The following NEDD4 variants were observed in gnomAD, a reference collection of about 807,000 sequenced individuals.
NEDD4 encodes E3 ubiquitin-protein ligase NEDD4.
A neutral mutation model predicts 144.9 loss-of-function variants in NEDD4; 99 were observed. That is an observed-to-expected ratio of 0.68 (90% CI 0.58 to 0.81). NEDD4 has a LOEUF of 0.81. NEDD4 is among the 30% of genes least tolerant of loss of function. NEDD4 has a pLI of 0.00. For synonymous variants in NEDD4, 318 were observed against 350.6 expected (o/e 0.91, Z 1.04); for missense variants, 985 against 1,065.9 (o/e 0.92, Z 1.06).
At chr15:55,949,136 C>T (rs549060393) in intron 4 of NEDD4, among the ~76,000 whole-genome samples, 1 of 152,074 alleles carries the variant, frequency 6.6e-6, no homozygotes, top group African/African-American at 2.4e-5. Flanking sequence ...AAGAAGCGGG[C>T]GAAGGATATG....
intron 4 of NEDD4, among the ~76,000 whole-genome samples, chr15:55,949,788 C>T (rs959388457): frequency 3.5e-4 from 53 of 151,904 alleles, no homozygotes; most frequent in Non-Finnish European, 6.6e-4. Flanking sequence ...ACGTCACACA[C>T]TGGGGCCTGT....
chr15:55,970,067 C>T (rs74015348), intron 1 of NEDD4, among the ~76,000 whole-genome samples: 1 of 151,772 alleles, frequency 6.6e-6, no homozygotes, highest in Non-Finnish European at 1.5e-5. Flanking sequence ...TGGCAGGACT[C>T]ACCATCTACT....
intron 5 of NEDD4, among the ~76,000 whole-genome samples, chr15:55,896,786 A>T (rs946860626): frequency 1.3e-5 from 2 of 152,160 alleles, no homozygotes; most frequent in African/African-American, 4.8e-5. Flanking sequence ...AATTCTATTC[A>T]TGTATATAGA....
At chr15:55,848,604 T>C in intron 15 of NEDD4, 29 bp from the exon 16 acceptor site, 1 of 1,588,094 alleles carries the variant, frequency 6.3e-7, no homozygotes, top group Non-Finnish European at 8.6e-7. Flanking sequence ...TTCAATTATT[T>C]TAGGAGAGGG....
intron 1 of NEDD4, among the ~76,000 whole-genome samples, chr15:55,980,797 T>G (rs1404906988): frequency 6.6e-6 from 1 of 151,838 alleles, no homozygotes; most frequent in Non-Finnish European, 1.5e-5. Context: ...TGTAGGGGTG[T>G]GTGTGTGTGT....
chr15:55,925,652 A>C (rs1595850251), intron 4 of NEDD4, among the ~76,000 whole-genome samples: 1 of 152,330 alleles, frequency 6.6e-6, no homozygotes, highest in African/African-American at 2.4e-5. Flanking sequence ...TGATATCTTA[A>C]AACATTGGTG....
At chr15:55,885,408 A>C (rs2035350234) in intron 5 of NEDD4, among the ~76,000 whole-genome samples, 3 of 152,206 alleles carry the variant, frequency 2.0e-5, no homozygotes. Context: ...ACAGAATATG[A>C]TAATACTGTA....
At chr15:55,943,650 G>A (rs1448892740) in intron 4 of NEDD4, among the ~76,000 whole-genome samples, 1 of 152,234 alleles carries the variant, frequency 6.6e-6, no homozygotes, top group African/African-American at 2.4e-5. Context: ...TATCCACACA[G>A]AAGTCTGGAT....
chr15:55,943,504 G>C (rs1017924090), intron 4 of NEDD4, among the ~76,000 whole-genome samples: 1 of 152,162 alleles, frequency 6.6e-6, no homozygotes, highest in African/African-American at 2.4e-5. Flanking sequence ...ATATGTCTCA[G>C]GCCGCTGCTC....
intron 4 of NEDD4, among the ~76,000 whole-genome samples, chr15:55,949,125 C>G (rs2037181451): frequency 1.3e-5 from 2 of 152,192 alleles, no homozygotes; most frequent in Admixed American, 6.5e-5. Flanking sequence ...ACAACCCCAT[C>G]AAGAAGCGGG....
At chr15:55,957,686 G>A (rs185350846) in intron 2 of NEDD4, among the ~76,000 whole-genome samples, 6 of 152,178 alleles carry the variant, frequency 3.9e-5, no homozygotes, top group East Asian at 3.9e-4. Context: ...TGTTTATTAC[G>A]GCACTATTCA....
Position 55,860,454 on chromosome 15 carries a change from G to T in NEDD4, c.913C>A (p.Leu305Ile). The change falls in exon 11 of 29, where the codon CTC becomes ATC. Residue 305 changes from leucine to isoleucine, a missense_variant. By Grantham distance (5) the Leu-to-Ile change is conservative. Coordinates refer to ENST00000435532, the MANE Select transcript of NEDD4 (RefSeq NM_006154.4). Reference protein sequence around the residue: ...THLAEELNARLTIFGNSAVSQ... With the variant: ...THLAEELNARITIFGNSAVSQ... ...ACGGCTGAATTTCCAAAAATGGTGA[G>T]TCTGGCATTCAATTCTTCTGCAAGA... 1 of 1,614,122 alleles carries T rather than the reference G, an allele frequency of 6.2e-7. No homozygotes were observed.
Position 55,840,695 on chromosome 15 carries a change from G to C in NEDD4, c.1871C>G (p.Ser624Cys), listed in dbSNP as rs1382473403. 6.2e-7 allele frequency: 1 copy of C among 1,613,958 alleles called. No homozygotes were observed. The highest frequency in any genetic ancestry group is 8.5e-7 in the Non-Finnish European group (1 of 1,179,926). Residue 624 changes from serine (S) to cysteine (C), a missense_variant, in exon 20 of 29, where the codon TCT becomes TGT. Physicochemically the swap from Ser to Cys is moderately radical, Grantham distance 112 (BLOSUM62 -1). Transcript: ENST00000435532. ...DNYTLQINPNSGLCNEDHLSY... is the reference protein window; with the variant it reads ...DNYTLQINPNCGLCNEDHLSY... The stretch of plus-strand genomic sequence containing the variant: ...GAGGTGATCTTCGTTACACAATCCA[G>C]AGTTTGGATTTATCTGTAGGGTATA...
At chr15:55,879,853 C>T (rs1487165624) in intron 5 of NEDD4, among the ~76,000 whole-genome samples, 1 of 152,066 alleles carries the variant, frequency 6.6e-6, no homozygotes, top group Non-Finnish European at 1.5e-5. Flanking sequence ...CTATAGGATT[C>T]TTCAAATAAG....
At chr15:55,893,831 C>T (rs549968819) in intron 5 of NEDD4, among the ~76,000 whole-genome samples, 1 of 149,302 alleles carries the variant, frequency 6.7e-6, no homozygotes, top group Admixed American at 6.8e-5. Flanking sequence ...AAAAGGCTCA[C>T]AAAAATCACT....
At chr15:55,862,026 T>C (rs1322227762) in intron 9 of NEDD4, among the ~76,000 whole-genome samples, 1 of 152,176 alleles carries the variant, frequency 6.6e-6, no homozygotes, top group Non-Finnish European at 1.5e-5. Context: ...TACTGAGGTA[T>C]GCAACAGCGC....
Position 55,834,137 on chromosome 15 carries a change from C to G in NEDD4, c.2331G>C (p.Met777Ile). 6.2e-7 allele frequency: 1 copy of G among 1,613,124 alleles called. No homozygotes were observed. The highest frequency in any genetic ancestry group is 8.5e-7 in the Non-Finnish European group (1 of 1,179,634). The change falls in exon 26 of 29, where the codon ATG (methionine) becomes ATC (isoleucine). Residue 777 changes from methionine (M) to isoleucine (I), a missense_variant. Transcript: ENST00000435532. ...TCACATCAACATCTCCCAGTCCACA[C>G]ATAAGAAGCTACATAAGAAATGTCA... ...IFDENELELL[M>I]CGLGDVDVND... is the part of the protein sequence containing the mutation.
At chr15:55,832,966 C>A (rs181443404) in intron 27 of NEDD4, 42 bp downstream of exon 27, 3 of 1,298,668 alleles carry the variant, frequency 2.3e-6, no homozygotes, top group South Asian at 2.5e-5. Flanking sequence ...AAAGACAATA[C>A]GCATTATTCC....
intron 5 of NEDD4, among the ~76,000 whole-genome samples, chr15:55,905,639 G>A (rs2036064946): frequency 6.6e-6 from 1 of 152,150 alleles, no homozygotes; most frequent in Non-Finnish European, 1.5e-5. Context: ...AAACAAGTAG[G>A]ACGTTAGGAC....
Sources: allele counts gnomAD v4.1 joint callset (sites outside exome capture counted in the v4.1 genomes callset), GRCh38; gene constraint gnomAD v4.1.1; transcripts MANE v1.5; gene names NCBI Gene and HGNC (gene_info 2026-07-23, HGNC 2026-07-21).